RBM17: variants seen among roughly 807,000 people sequenced by gnomAD.
RBM17 encodes the protein splicing factor 45.
A neutral mutation model predicts 53.2 loss-of-function variants in RBM17; 7 were observed. That is an observed-to-expected ratio of 0.13 (90% confidence interval 0.07 to 0.25). RBM17 has a LOEUF of 0.25. Among genes scored for constraint, RBM17 ranks in the 10% least tolerant of loss-of-function variants. RBM17 has a pLI of 1.00. For synonymous variants in RBM17, 167 were observed against 178.1 expected (o/e 0.94, Z 0.50); for missense variants, 257 against 496.7 (o/e 0.52, Z 4.59).
Position 6,106,221 on chromosome 10 carries a change from G to C in RBM17, c.488G>C (p.Arg163Pro). The C allele has an allele frequency of 6.2e-7, 1 of 1,611,818 alleles. No homozygotes were observed. Among genetic ancestry groups the C allele is most frequent in the Non-Finnish European group, 8.5e-7 (1 of 1,178,038 alleles). The change falls in exon 5 of 12, where the codon CGA becomes CCA. Residue 163 changes from arginine (R) to proline (P), a missense_variant. Physicochemically the swap from Arg to Pro is moderately radical, Grantham distance 103. This residue lies in a region of RBM17 where 127 missense variants were observed against 217.2 expected (regional missense o/e 0.58). Transcript: ENST00000379888. ...TCTGATGAAGATGAAGATTATGAGCGAGAGAGGAGGAAAAGAAGTAAGGCA... is the reference window on the plus strand; with the variant it reads ...TCTGATGAAGATGAAGATTATGAGCCAGAGAGGAGGAAAAGAAGTAAGGCA... The part of the protein sequence containing the change: ...PDSDEDEDYE[R>P]ERRKRSMGGA...
rs1435822083 is a variant in RBM17 at position 6,112,485 on chromosome 10, G to A, written c.856+124G>A. On this transcript the variant is annotated intron_variant, in intron 8 of 11. Transcript: ENST00000379888. The surrounding 1 kb of genome is among the most constrained non-coding windows in gnomAD (Gnocchi z 4.4). ...TGAGGCGTGTGGCCAGAGGGAGAGG[G>A]CTGGCCCTGCCATCACTAGAACACA... is the stretch of plus-strand genomic sequence containing the variant. 1.7e-6 allele frequency: 2 copies of A among 1,169,390 alleles called. No homozygotes were observed. The highest frequency in any genetic ancestry group is 1.3e-5 in the South Asian group (1 of 75,788). 72.4% of individuals were successfully genotyped at this position (1,169,390 alleles called of 1,614,324 possible).
At position 6,112,315 on chromosome 10, in the gene RBM17, C is replaced by G. The variant is rs1347529080; in HGVS notation, c.810C>G (p.Thr270=). Residue 270 remains threonine, a synonymous_variant, in exon 8 of 12, where the codon ACC becomes ACG. Transcript: ENST00000379888. This position sits in a 1 kb window ranked among gnomAD's most constrained non-coding sequence, Gnocchi z 4.4. ...GCACTGCCTTGTCAGTGGAGAAGAC[C>G]AGCAAGCGTGGCGGCAAGATCATCG... ...GLSTALSVEK[T]SKRGGKIIVG... is the part of the protein sequence containing the mutation. The G allele has an allele frequency of 1.2e-6, 2 of 1,613,864 alleles. No individual in the cohort carries two copies. The highest frequency in any genetic ancestry group is 1.7e-6 in the Non-Finnish European group (2 of 1,180,018).
intron 7 of RBM17, among the ~76,000 whole-genome samples, chr10:6,111,249 A>T (rs1302116845): frequency 1.3e-5 from 2 of 152,230 alleles, no homozygotes; most frequent in Middle Eastern, 3.2e-3. Context: ...TGCGCCTCAG[A>T]GCGCAGTGTG....
In RBM17 at chr10:6,098,563, G is replaced by GTGT. The variant is rs1554834988; in HGVS notation, c.123+1376_123+1377insGTT. Among the ~76,000 whole-genome samples, 148 of 46,664 alleles carry GTGT rather than the reference G, an allele frequency of 3.2e-3. 13 individuals carry two copies. The highest frequency in any genetic ancestry group is 5.0e-3 in the South Asian group (9 of 1,794). The allele number at this position is 46,664 out of a possible 152,430, so 30.6% of individuals were successfully genotyped here. A position where few individuals can be genotyped will look rare whatever the true frequency, so the allele number is the denominator to read the frequency against. On this transcript the variant is annotated intron_variant, in intron 2 of 11. Transcript: ENST00000379888. ...AATTTCCGTAATACACAGGTTTTTTGTTTTTTTTTTTTTTTTTTTTTTTTT... is the reference window on the plus strand; with the variant it reads ...AATTTCCGTAATACACAGGTTTTTTGTGTTTTTTTTTTTTTTTTTTTTTTTTTT...
intron 7 of RBM17, among the ~76,000 whole-genome samples, chr10:6,110,504 G>C (rs1043008627): frequency 6.6e-6 from 1 of 152,124 alleles, no homozygotes; most frequent in Non-Finnish European, 1.5e-5. Flanking sequence ...TGGGCCATTT[G>C]CTTTCAGGTC....
Position 6,104,943 on chromosome 10 carries a change from A to T in RBM17, c.253A>T (p.Ser85Cys). Residue 85 changes from serine to cysteine, a missense_variant, in exon 4 of 12, where the codon AGT becomes TGT. Around this residue, in one of 6 missense-constraint regions of RBM17, gnomAD observed 127 missense variants for 217.2 expected, o/e 0.58. Transcript: ENST00000379888. ...TTACCTTCCTCAGGATCCTGTTCCC[A>T]GTGGGTTTTCTGCAGGGGAAGTTCT... ...VAAGLKDPVP[S>C]GFSAGEVLIP... is the part of the protein sequence containing the mutation. 2 of 1,613,832 alleles carry T rather than the reference A, an allele frequency of 1.2e-6. No individual in the cohort carries two copies. The highest frequency in any genetic ancestry group is 1.7e-6 in the Non-Finnish European group (2 of 1,179,764).
At chr10:6,090,990 TATGTATATAAATATATAA>T (rs2132934580) in intron 1 of RBM17, among the ~76,000 whole-genome samples, 1 of 142,694 alleles carries the variant, frequency 7.0e-6, no homozygotes, top group East Asian at 2.0e-4. Flanking sequence ...TTGCCATATA[TATGTATATAAATATATAA>T]ATATTTATAT....
At position 6,115,555 on chromosome 10, in the gene RBM17, G is replaced by C. The variant is rs1411440263; in HGVS notation, c.1205G>C (p.Ter402SerextTer2). Residue 402 changes from the stop codon to serine, a stop_lost, in exon 12 of 12, where the codon TGA (stop) becomes TCA (serine). Transcript: ENST00000379888. ...GTCTTGGATTTGGCAGAACAAGTTT[G>C]ATTTTAAGAACTAGAGCACGAGTCA... ...FRVLDLAEQV[*>S] 1 of 1,591,272 alleles carries C rather than the reference G, an allele frequency of 6.3e-7. No homozygotes were observed. Among genetic ancestry groups the C allele is most frequent in the East Asian group, 2.2e-5 (1 of 44,782 alleles).
rs772441781 is a variant in RBM17 at position 6,112,466 on chromosome 10, G to GT, written c.856+106dup. 9 of 1,389,344 alleles carry GT rather than the reference G, an allele frequency of 6.5e-6. No individual in the cohort carries two copies. In the East Asian group the frequency reaches 2.2e-4, roughly 34 times the overall value. The allele number at this position is 1,389,344 out of a possible 1,614,324, so 86.1% of individuals were successfully genotyped here. Reference sequence around the variant, plus strand: ...TGTGTCAGCAGGGGGACAATGAGGCGTGTGGCCAGAGGGAGAGGGCTGGCC... The same window carrying GT: ...TGTGTCAGCAGGGGGACAATGAGGCGTTGTGGCCAGAGGGAGAGGGCTGGCC... On this transcript the variant is annotated intron_variant, in intron 8 of 11. Transcript: ENST00000379888. This position sits in a 1 kb window ranked among gnomAD's most constrained non-coding sequence, Gnocchi z 4.4.
chr10:6,113,177 G>A (rs1037553635), intron 8 of RBM17: 3 of 228,820 alleles, frequency 1.3e-5, no homozygotes, highest in South Asian at 6.1e-5. Context: ...GACCTTGAAC[G>A]TTTGCTCCAA....
intron 5 of RBM17, among the ~76,000 whole-genome samples, chr10:6,107,917 C>T (rs751590421): frequency 2.6e-5 from 4 of 152,130 alleles, no homozygotes; most frequent in East Asian, 1.9e-4. Context: ...ATTATGTATA[C>T]GTAATCCATA....
At chr10:6,094,144 T>C (rs34285518) in intron 1 of RBM17, among the ~76,000 whole-genome samples, 43,496 of 151,634 alleles carry the variant, frequency 0.29, 6,830 homozygotes, top group Non-Finnish European at 0.37. Context: ...CTGGCTAATT[T>C]TGTTTCTGTA....
intron 1 of RBM17, among the ~76,000 whole-genome samples, chr10:6,093,814 C>T (rs1840526738): frequency 6.6e-6 from 1 of 152,040 alleles, no homozygotes; most frequent in South Asian, 2.1e-4. Context: ...AGGATGCGAC[C>T]CATGTCTAAA....
At chr10:6,104,887 T>A in intron 3 of RBM17, 44 bp from the exon 4 acceptor site, 3 of 1,557,248 alleles carry the variant, frequency 1.9e-6, no homozygotes, top group Non-Finnish European at 2.6e-6. Flanking sequence ...AGTAAACTGG[T>A]AAGATATAAA....
rs1038147689 is a variant in RBM17, at chr10:6,116,420, C to A, written c.*864C>A. 2.6e-5 allele frequency: 4 copies of A among 152,314 alleles called. No homozygotes were observed. The highest frequency in any genetic ancestry group is 2.6e-4 in the Admixed American group (4 of 15,280). 9.4% of individuals were successfully genotyped at this position (152,314 alleles called of 1,614,324 possible). On this transcript the variant is annotated 3_prime_UTR_variant, in exon 12 of 12. Coordinates refer to ENST00000379888, the MANE Select transcript of RBM17 (RefSeq NM_032905.5). ...GTAATTTTAAAATTTATAAGATTAT[C>A]CACGTTGGCCAAGTAAACTGTACTG...
intron 1 of RBM17, among the ~76,000 whole-genome samples, chr10:6,094,317 G>A (rs953939311): frequency 6.6e-6 from 1 of 152,084 alleles, no homozygotes; most frequent in African/African-American, 2.4e-5. Context: ...GTTGTTGCTC[G>A]GAACGTTTTA....
At chr10:6,096,608 C>G (rs1199341693) in intron 1 of RBM17, among the ~76,000 whole-genome samples, 1 of 152,008 alleles carries the variant, frequency 6.6e-6, no homozygotes, top group Non-Finnish European at 1.5e-5. Flanking sequence ...ATTTTTTTCC[C>G]TAGGAGTACG....
intron 5 of RBM17, chr10:6,108,440 G>T: frequency 2.0e-6 from 1 of 490,316 alleles, no homozygotes; most frequent in South Asian, 3.4e-5. Context: ...ACTACATTGT[G>T]GGGCTCTTGA....
intron 1 of RBM17, among the ~76,000 whole-genome samples, chr10:6,092,099 C>T (rs2132936080): frequency 6.6e-6 from 1 of 152,234 alleles, no homozygotes; most frequent in Middle Eastern, 3.4e-3. Context: ...GTGGGTTGCT[C>T]AAAGGGAAGT....
Sources: gnomAD v4.1 joint callset for allele counts (sites outside exome capture counted in the v4.1 genomes callset) on GRCh38, gnomAD v4.1.1 for gene constraint, gnomAD v4.1.1 regional missense constraint, Gnocchi (gnomAD v3.1) non-coding constraint, MANE v1.5 for transcripts, NCBI Gene and HGNC (gene_info 2026-07-23, HGNC 2026-07-21) for gene names.